Variants in PTPRN2 observed in about 807,000 individuals in gnomAD.
PTPRN2 encodes protein tyrosine phosphatase receptor type N2.
Under a neutral mutation model 118.8 loss-of-function variants are expected in PTPRN2, and 74 were observed. The ratio of observed to expected loss-of-function variants is 0.62; its 90% CI spans 0.52 to 0.76. The LOEUF is 0.76. Among genes scored for constraint, PTPRN2 ranks in the 30% least tolerant of loss-of-function variants. PTPRN2 has a pLI of 0.00. For missense variants in PTPRN2, 1,481 were observed against 1,394.4 expected (o/e 1.06, Z -0.99); for synonymous variants, 641 against 608.0 (o/e 1.05, Z -0.80).
chr7:158,528,603 G>A (rs532264068), intron 1 of PTPRN2, among the ~76,000 whole-genome samples: 4 of 151,580 alleles, frequency 2.6e-5, no homozygotes, highest in African/African-American at 4.8e-5. Flanking sequence ...TGGCTAACAC[G>A]GTGAAACCCC....
At chr7:158,303,930 C>T (rs897413301) in intron 3 of PTPRN2, among the ~76,000 whole-genome samples, 1 of 152,276 alleles carries the variant, frequency 6.6e-6, no homozygotes, top group African/African-American at 2.4e-5. Context: ...GCCCAGGCCA[C>T]AGCCCCAGGA....
chr7:157,859,984 G>A lies in PTPRN2; in HGVS notation c.1788+38689C>T, dbSNP rs559069727. 5.3e-3 allele frequency among the ~76,000 whole-genome samples: 492 copies of A among 92,118 alleles called. 2 individuals are homozygous for A. The highest frequency in any genetic ancestry group is 0.019 in the African/African-American group (442 of 23,234). 60.4% of individuals were successfully genotyped at this position (92,118 alleles called of 152,430 possible). On this transcript the variant is annotated intron_variant, in intron 12 of 22. Transcript: ENST00000389418. ...TACACACTCCTGCAGGGAGAGCCCC[G>A]GCCACCACCCACACTCCTGCAGGGA... is the stretch of plus-strand genomic sequence containing the variant.
Position 157,682,931 on chromosome 7 carries a change from T to G in PTPRN2, c.1795A>C (p.Lys599Gln). ...GCCTGAGGAGGCAGGAACTTGAGTTTGCTTTTCTGCAGAACAAGGAGAGAG... is the reference window on the plus strand; with the variant it reads ...GCCTGAGGAGGCAGGAACTTGAGTTGGCTTTTCTGCAGAACAAGGAGAGAG... ...ILQTGVGSKS[K>Q]LKFLPPQAEQ... Residue 599 changes from lysine (K) to glutamine (Q), a missense_variant, in exon 13 of 23, where the codon AAA becomes CAA. Lys to Gln is a moderately conservative substitution (Grantham distance 53). Transcript: ENST00000389418. 1 of 1,610,436 alleles carries G rather than the reference T, an allele frequency of 6.2e-7. No homozygotes were observed. Among genetic ancestry groups the G allele is most frequent in the Non-Finnish European group, 8.5e-7 (1 of 1,176,952 alleles).
chr7:158,482,291 C>T (rs186302409), intron 2 of PTPRN2, among the ~76,000 whole-genome samples: 12 of 152,318 alleles, frequency 7.9e-5, no homozygotes, highest in Admixed American at 4.6e-4. Flanking sequence ...TGTTCTACTG[C>T]GGGTAAAATG....
intron 17 of PTPRN2, among the ~76,000 whole-genome samples, chr7:157,579,755 C>T (rs919979403): frequency 1.3e-5 from 2 of 152,210 alleles, no homozygotes; most frequent in African/African-American, 4.8e-5. Flanking sequence ...ATCCCAAAGG[C>T]GCTCTGGGGA....
At chr7:158,179,121 T>C (rs10244260) in intron 5 of PTPRN2, among the ~76,000 whole-genome samples, 135,014 of 152,256 alleles carry the variant, frequency 0.89, 60,128 homozygotes, top group African/African-American at 0.97. Flanking sequence ...CATTCCCACC[T>C]GCAGTGGATA....
chr7:158,016,416 G>A (rs1806464040), intron 11 of PTPRN2, among the ~76,000 whole-genome samples: 1 of 152,174 alleles, frequency 6.6e-6, no homozygotes, highest in African/African-American at 2.4e-5. Flanking sequence ...GGGCCGAGTC[G>A]AGAAGGGGCC....
Position 157,550,368 on chromosome 7 carries a change from G to A in PTPRN2, c.2903-1349C>T, listed in dbSNP as rs1406578490. Among the ~76,000 whole-genome samples, 1 of 152,222 alleles carries A rather than the reference G, an allele frequency of 6.6e-6. No homozygotes were observed. The highest frequency in any genetic ancestry group is 1.5e-5 in the Non-Finnish European group (1 of 68,026). On this transcript the variant is annotated intron_variant, in intron 21 of 22. Transcript: ENST00000389418. This position sits in a 1 kb window ranked among gnomAD's most constrained non-coding sequence, Gnocchi z 5.2. ...CGGGCAGCTAGGAGGGAACGGCAGG[G>A]GTGGCGGGGAGGCCTGGGGAGGACA...
chr7:157,718,348 G>A (rs577757499), intron 12 of PTPRN2, among the ~76,000 whole-genome samples: 8 of 152,226 alleles, frequency 5.3e-5, no homozygotes, highest in South Asian at 4.1e-4. Context: ...TCATGAATGA[G>A]CTCTTCAAGC....
intron 2 of PTPRN2, among the ~76,000 whole-genome samples, chr7:158,379,958 T>G (rs1227051053): frequency 6.6e-6 from 1 of 152,122 alleles, no homozygotes; most frequent in South Asian, 2.1e-4. Context: ...AAACTCCCCC[T>G]TATAAAACCA....
rs1248864335 is a variant in PTPRN2 at position 157,577,904 on chromosome 7, G to A, written c.2616+117C>T. The A allele has an allele frequency of 8.3e-6, 11 of 1,323,580 alleles. No homozygotes were observed. In the Middle Eastern group the frequency reaches 8.6e-4, roughly 104 times the overall value. The allele number at this position is 1,323,580 out of a possible 1,614,324, so 82.0% of individuals were successfully genotyped here. ...CCTCCATCCCCTGAACATGGGGTGC[G>A]CTGAGCCTCCCTGCATGCGGCCCTG... On this transcript the variant is annotated intron_variant, in intron 18 of 22. Coordinates refer to ENST00000389418, the MANE Select transcript of PTPRN2 (RefSeq NM_002847.5).
At chr7:158,206,850 C>G (rs1044885099) in intron 3 of PTPRN2, among the ~76,000 whole-genome samples, 14 of 150,064 alleles carry the variant, frequency 9.3e-5, no homozygotes, top group African/African-American at 3.4e-4. Flanking sequence ...GGTACATGTG[C>G]ACATTGTACA....
chr7:157,888,194 C>A (rs1796595427), intron 12 of PTPRN2, among the ~76,000 whole-genome samples: 1 of 152,036 alleles, frequency 6.6e-6, no homozygotes, highest in South Asian at 2.1e-4. Flanking sequence ...TAGGGACAAG[C>A]CGTAGCATGA....
intron 17 of PTPRN2, among the ~76,000 whole-genome samples, chr7:157,586,584 A>G (rs1210659420): frequency 6.6e-6 from 1 of 152,184 alleles, no homozygotes; most frequent in Non-Finnish European, 1.5e-5. Context: ...CTGGAGACTC[A>G]GGGCCCCTGC....
At chr7:158,548,577 ACTTTCT>A (rs1399660607) in intron 1 of PTPRN2, among the ~76,000 whole-genome samples, 1 of 152,144 alleles carries the variant, frequency 6.6e-6, no homozygotes, top group African/African-American at 2.4e-5. Context: ...TTTCTTCATG[ACTTTCT>A]CTTTCTTAAA....
intron 13 of PTPRN2, among the ~76,000 whole-genome samples, chr7:157,678,261 C>T (rs1796762666): frequency 6.6e-6 from 1 of 152,090 alleles, no homozygotes; most frequent in Admixed American, 6.6e-5. Context: ...GTGAGGAAAG[C>T]CATTCTAAGA....
At chr7:158,273,145 CGAGTGCCCTTCGG>C (rs1391410373) in intron 3 of PTPRN2, among the ~76,000 whole-genome samples, 15 of 152,148 alleles carry the variant, frequency 9.9e-5, no homozygotes, top group Non-Finnish European at 1.5e-5. Flanking sequence ...CTGCAGGATT[CGAGTGCCCTTCGG>C]GAGTGAGCTC....
chr7:158,326,929 ATG>A (rs1278366019), intron 2 of PTPRN2, among the ~76,000 whole-genome samples: 1 of 151,016 alleles, frequency 6.6e-6, no homozygotes, highest in Non-Finnish European at 1.5e-5. Flanking sequence ...ACGTTCTCAC[ATG>A]CACACATACA....
intron 3 of PTPRN2, among the ~76,000 whole-genome samples, chr7:158,217,943 T>C (rs992972251): frequency 6.6e-6 from 1 of 152,132 alleles, no homozygotes; most frequent in African/African-American, 2.4e-5. Context: ...TATGGGATTA[T>C]GTAAAGTGAC....
Sources: gnomAD v4.1 joint callset for allele counts (sites outside exome capture counted in the v4.1 genomes callset) on GRCh38, gnomAD v4.1.1 for gene constraint, Gnocchi (gnomAD v3.1) non-coding constraint, MANE v1.5 for transcripts, NCBI Gene and HGNC (gene_info 2026-07-23, HGNC 2026-07-21) for gene names.